SP100: variants seen among roughly 807,000 people sequenced by gnomAD.
The protein encoded by SP100 is SP100 nuclear body protein, also known as nuclear autoantigen Sp-100.
In SP100, 84 loss-of-function variants were observed where a neutral mutation model predicts 130.0. The observed-to-expected ratio is 0.65, with a 90% CI of 0.54 to 0.77. SP100 has a LOEUF of 0.77. SP100 is among the 30% of genes least tolerant of loss of function. SP100 has a pLI of 0.00. For synonymous variants in SP100, 331 were observed against 351.7 expected (o/e 0.94, Z 0.66); for missense variants, 978 against 1,052.2 (o/e 0.93, Z 0.97).
rs1431118050 is a variant in SP100, at chr2:230,473,455, G to T, written c.1546+15G>T. 1 of 1,521,174 alleles carries T rather than the reference G, an allele frequency of 6.6e-7. No homozygotes were observed. The highest frequency in any genetic ancestry group is 9.1e-7 in the Non-Finnish European group (1 of 1,095,644). The allele number at this position is 1,521,174 out of a possible 1,614,324, so 94.2% of individuals were successfully genotyped here. A position where few individuals can be genotyped will look rare whatever the true frequency, so the allele number is the denominator to read the frequency against. On this transcript the variant is annotated intron_variant, in intron 16 of 28. Transcript: ENST00000340126. ...TGACATGATGGGTAAGGCTACCCTA[G>T]GGTCTTGGGATGGAAGTGGCTCAGT...
chr2:230,439,066 C>T (rs923758203), intron 2 of SP100, among the ~76,000 whole-genome samples: 1 of 152,022 alleles, frequency 6.6e-6, no homozygotes. Flanking sequence ...AAGGTGGTAT[C>T]GCATTGTGGT....
intron 17 of SP100, among the ~76,000 whole-genome samples, chr2:230,479,746 G>A (rs1024184226): frequency 3.9e-5 from 6 of 152,176 alleles, no homozygotes; most frequent in Non-Finnish European, 8.8e-5. Context: ...AGAGATTTTG[G>A]CCAAGCCCAT....
intron 24 of SP100, among the ~76,000 whole-genome samples, chr2:230,531,420 G>A (rs890343041): frequency 2.6e-5 from 4 of 152,056 alleles, no homozygotes; most frequent in Admixed American, 2.0e-4. Flanking sequence ...GCCTGTTGGG[G>A]GGTTGAGGGG....
chr2:230,443,145 A>G lies in SP100; in HGVS notation c.270+46A>G, dbSNP rs2303608. ...CACAATCTGGTAAAGCAGCCCCAAA[A>G]TAAGTTATGCTTTGATATCCTAGAC... is the stretch of plus-strand genomic sequence containing the variant. On this transcript the variant is annotated intron_variant, in intron 3 of 28. Coordinates refer to ENST00000340126, the MANE Select transcript of SP100 (RefSeq NM_001080391.2). 274,092 of 1,590,590 alleles carry G rather than the reference A, an allele frequency of 0.17. 24,250 individuals are homozygous for G. The highest frequency in any genetic ancestry group is 0.18 in the Non-Finnish European group (212,396 of 1,161,980).
intron 19 of SP100, among the ~76,000 whole-genome samples, chr2:230,500,532 C>T (rs1182168237): frequency 9.9e-5 from 15 of 152,162 alleles, no homozygotes; most frequent in Non-Finnish European, 2.1e-4. Flanking sequence ...TATACATTGA[C>T]CAATAATGGC....
intron 22 of SP100, 101 bp downstream of exon 22, chr2:230,506,546 C>A: frequency 1.7e-6 from 2 of 1,201,112 alleles, no homozygotes; most frequent in Non-Finnish European, 2.4e-6. Flanking sequence ...TTCATCATGA[C>A]TTCCTCTGCC....
intron 2 of SP100, among the ~76,000 whole-genome samples, chr2:230,421,492 A>G (rs555588577): frequency 9.4e-6 from 1 of 106,340 alleles, no homozygotes; most frequent in Non-Finnish European, 2.0e-5. Context: ...CTAAGAGTTT[A>G]TAGAAGATAT....
At position 230,528,876 on chromosome 2, in the gene SP100, A is replaced by G. The variant is rs145064134; in HGVS notation, c.2095-10391A>G. ...ACATACACCCTCCAAAGACTAAACC[A>G]GGAAAAAGTTGAATCTCTGCATAGA... On this transcript the variant is annotated intron_variant, in intron 24 of 28. Coordinates refer to ENST00000340126, the MANE Select transcript of SP100 (RefSeq NM_001080391.2). Among the ~76,000 whole-genome samples the G allele has an allele frequency of 8.2e-3, 1,250 of 152,372 alleles. 17 individuals carry two copies. The highest frequency in any genetic ancestry group is 0.029 in the African/African-American group (1,186 of 41,582).
intron 18 of SP100, 23 bp downstream of exon 18, chr2:230,494,483 A>T: frequency 6.4e-7 from 1 of 1,559,268 alleles, no homozygotes; most frequent in Non-Finnish European, 8.8e-7. Context: ...GTGGGGATTT[A>T]CTCCTTTGAA....
rs2066983905 is a variant in SP100, at chr2:230,500,899, TC to T, written c.1721-2166del. Among the ~76,000 whole-genome samples the T allele has an allele frequency of 3.3e-5, 5 of 152,284 alleles. No homozygotes were observed. In the East Asian group the frequency reaches 9.7e-4, roughly 29 times the overall value. ...AGGAACGAGTGGTAAGAAAGCTTCA[TC>T]TAATTCCTTGAGGTCTCCATTCTTC... On this transcript the variant is annotated intron_variant, in intron 19 of 28. Transcript: ENST00000340126.
chr2:230,532,390 A>G (rs867223147), intron 24 of SP100, among the ~76,000 whole-genome samples: 4 of 152,270 alleles, frequency 2.6e-5, no homozygotes, highest in Non-Finnish European at 5.9e-5. Flanking sequence ...ATGAGGAAAA[A>G]CTGTGATATA....
chr2:230,470,167 T>G, intron 15 of SP100, 69 bp downstream of exon 15: 2 of 1,541,226 alleles, frequency 1.3e-6, no homozygotes, highest in Non-Finnish European at 1.8e-6. Flanking sequence ...AGCTGCTGTT[T>G]CCAGACGCTT....
intron 2 of SP100, among the ~76,000 whole-genome samples, chr2:230,437,075 T>C (rs2063317252): frequency 6.6e-6 from 1 of 152,162 alleles, no homozygotes; most frequent in Admixed American, 6.5e-5. Flanking sequence ...TTAAATGACT[T>C]CACCATTAAT....
rs1263954305 is a variant in SP100, at chr2:230,450,269, A to G, written c.820+14A>G. 5.0e-6 allele frequency: 8 copies of G among 1,592,376 alleles called. No individual in the cohort carries two copies. The highest frequency in any genetic ancestry group is 6.9e-6 in the Non-Finnish European group (8 of 1,161,296). On this transcript the variant is annotated intron_variant, in intron 8 of 28. Coordinates refer to ENST00000340126, the MANE Select transcript of SP100 (RefSeq NM_001080391.2). Reference sequence around the variant, plus strand: ...GTGATGAAGAAAGTAATTATTGCTTACCTTGCCTATTTTCTTTCCTTTCTT... The same window carrying G: ...GTGATGAAGAAAGTAATTATTGCTTGCCTTGCCTATTTTCTTTCCTTTCTT...
intron 24 of SP100, chr2:230,516,095 G>A (rs1023853416): frequency 7.5e-5 from 74 of 987,264 alleles, no homozygotes; most frequent in South Asian, 1.4e-4. Flanking sequence ...TTAAAAAACC[G>A]TATGAGGGAA....
chr2:230,500,017 A>G (rs1380612079), intron 19 of SP100, among the ~76,000 whole-genome samples: 1 of 152,174 alleles, frequency 6.6e-6, no homozygotes, highest in Non-Finnish European at 1.5e-5. Flanking sequence ...ATATAGGAGT[A>G]CTGGGCTCCT....
At position 230,469,115 on chromosome 2, in the gene SP100, T is replaced by C; in HGVS notation, c.1345+19T>C. On this transcript the variant is annotated intron_variant, in intron 14 of 28. Coordinates refer to ENST00000340126, the MANE Select transcript of SP100 (RefSeq NM_001080391.2). The stretch of plus-strand genomic sequence containing the variant: ...AAGAGACGTAAGAGCAATTAAAAAC[T>C]CTTGATGTAACAAATGTCTTTATTT... The C allele has an allele frequency of 6.7e-7, 1 of 1,498,328 alleles. No homozygotes were observed. The highest frequency in any genetic ancestry group is 1.2e-5 in the South Asian group (1 of 86,016). 92.8% of individuals were successfully genotyped at this position (1,498,328 alleles called of 1,614,324 possible).
At chr2:230,497,551 GGAAAGGAAAGGAAAGGAA>G (rs2066758315) in intron 18 of SP100, among the ~76,000 whole-genome samples, 3 of 48,226 alleles carry the variant, frequency 6.2e-5, no homozygotes, top group South Asian at 1.2e-3. Context: ...GGAGAGGAAA[GGAAAGGAAAGGAAAGGAA>G]AGGAAAGGAA....
intron 24 of SP100, among the ~76,000 whole-genome samples, chr2:230,529,971 G>A (rs188898682): frequency 9.3e-4 from 142 of 152,274 alleles, no homozygotes; most frequent in African/African-American, 2.9e-3. Context: ...TCATGGATAG[G>A]AAGAATCAAT....
Sources: gnomAD v4.1 joint callset for allele counts (sites outside exome capture counted in the v4.1 genomes callset) on GRCh38, gnomAD v4.1.1 for gene constraint, MANE v1.5 for transcripts, NCBI Gene and HGNC (gene_info 2026-07-23, HGNC 2026-07-21) for gene names.